CALCR: variants seen among roughly 807,000 people sequenced by gnomAD.
The protein encoded by CALCR is calcitonin receptor.
Under a neutral mutation model 59.5 loss-of-function variants are expected in CALCR, and 47 were observed. That is an observed-to-expected ratio of 0.79 (90% CI 0.63 to 1.01). CALCR has a LOEUF of 1.01. CALCR is among the 50% of genes least tolerant of loss of function. The pLI, the probability that CALCR is intolerant of heterozygous loss-of-function variation, is 0.00. For missense variants in CALCR, 566 were observed against 597.1 expected, an observed-to-expected ratio of 0.95 and a Z score of 0.54; for synonymous variants, 213 against 211.3, an observed-to-expected ratio of 1.01 and a Z score of -0.07.
chr7:93,508,219 T>C (rs183319175), intron 2 of CALCR, among the ~76,000 whole-genome samples: 51 of 152,296 alleles, frequency 3.3e-4, no homozygotes, highest in Non-Finnish European at 6.0e-4. Flanking sequence ...TTCTAATGTA[T>C]ATATTGGATA....
At chr7:93,474,490 A>G (rs180959666) in intron 5 of CALCR, among the ~76,000 whole-genome samples, 1 of 151,874 alleles carries the variant, frequency 6.6e-6, no homozygotes, top group East Asian at 1.9e-4. Flanking sequence ...AGAATTTTAG[A>G]TAATGTTGTT....
chr7:93,481,568 C>T (rs986616676), intron 3 of CALCR, among the ~76,000 whole-genome samples: 3 of 151,842 alleles, frequency 2.0e-5, no homozygotes, highest in African/African-American at 7.2e-5. Flanking sequence ...TTAGGGGGAA[C>T]TTCTCCCCCT....
intron 6 of CALCR, among the ~76,000 whole-genome samples, chr7:93,471,400 G>A (rs1747542854): frequency 6.6e-6 from 1 of 151,758 alleles, no homozygotes; most frequent in South Asian, 2.1e-4. Flanking sequence ...CTTAGCTTGT[G>A]CTTGTGATGA....
chr7:93,480,540 A>C (rs1477677226), intron 3 of CALCR, among the ~76,000 whole-genome samples: 1 of 151,686 alleles, frequency 6.6e-6, no homozygotes, highest in Non-Finnish European at 1.5e-5. Context: ...GGTGTTATGT[A>C]CTCTTCTATA....
chr7:93,480,695 A>G (rs1476776614), intron 3 of CALCR, among the ~76,000 whole-genome samples: 1 of 151,868 alleles, frequency 6.6e-6, no homozygotes, highest in Admixed American at 6.6e-5. Flanking sequence ...GCTGTCCAGC[A>G]CAGAATCCAA....
At chr7:93,570,110 G>A (rs147772469) in intron 2 of CALCR, among the ~76,000 whole-genome samples, 39 of 152,206 alleles carry the variant, frequency 2.6e-4, no homozygotes, top group African/African-American at 9.2e-4. Context: ...AGCTGTTGAG[G>A]TTTTCTACCT....
intron 13 of CALCR, among the ~76,000 whole-genome samples, chr7:93,429,900 G>T: frequency 7.0e-6 from 1 of 143,766 alleles, no homozygotes; most frequent in African/African-American, 2.6e-5. Flanking sequence ...AAAAGTAATT[G>T]CACACTTTAG....
intron 2 of CALCR, among the ~76,000 whole-genome samples, chr7:93,540,887 C>A (rs896075700): frequency 4.0e-5 from 6 of 151,544 alleles, no homozygotes; most frequent in Non-Finnish European, 7.4e-5. Flanking sequence ...CTTAATTCAG[C>A]ATCTCTCTTT....
At chr7:93,477,911 G>A (rs34991991) in intron 4 of CALCR, among the ~76,000 whole-genome samples, 1,469 of 129,038 alleles carry the variant, frequency 0.011, 11 homozygotes, top group Middle Eastern at 0.034. Flanking sequence ...AGGTTCCAAA[G>A]TTGAGTGCAT....
intron 2 of CALCR, among the ~76,000 whole-genome samples, chr7:93,573,400 A>T (rs908813697): frequency 6.6e-6 from 1 of 152,228 alleles, no homozygotes; most frequent in Non-Finnish European, 1.5e-5. Context: ...GAATAATTTC[A>T]ACAAATAGCC....
intron 2 of CALCR, among the ~76,000 whole-genome samples, chr7:93,489,648 A>G (rs929274628): frequency 2.0e-5 from 3 of 152,018 alleles, no homozygotes; most frequent in African/African-American, 7.2e-5. Context: ...CTCTACACAA[A>G]TAAACTAGAA....
chr7:93,453,394 A>G (rs1388462069), intron 8 of CALCR, among the ~76,000 whole-genome samples: 1 of 152,040 alleles, frequency 6.6e-6, no homozygotes, highest in Non-Finnish European at 1.5e-5. Context: ...TAAGTAGAAG[A>G]GCGAGGACTT....
rs557928377 is a variant in CALCR at position 93,471,533 on chromosome 7, A to C, written c.429+842T>G. ...CTGAAAGCATCTCAACAGCAAACAA[A>C]GACACTAATGTGCTTTTAGTTTTCA... On this transcript the variant is annotated intron_variant, in intron 6 of 13. Coordinates refer to ENST00000426151, the MANE Select transcript of CALCR (RefSeq NM_001742.4). 2.5e-4 allele frequency among the ~76,000 whole-genome samples: 38 copies of C among 151,994 alleles called. 2 individuals carry two copies. In the South Asian group the frequency reaches 7.9e-3, roughly 31 times the overall value.
At chr7:93,457,089 A>G (rs573829359) in intron 8 of CALCR, among the ~76,000 whole-genome samples, 1 of 152,286 alleles carries the variant, frequency 6.6e-6, no homozygotes, top group South Asian at 2.1e-4. Flanking sequence ...CTACCCCTAA[A>G]AAGCCTACGA....
chr7:93,510,967 G>A (rs1801533604), intron 2 of CALCR, among the ~76,000 whole-genome samples: 1 of 152,116 alleles, frequency 6.6e-6, no homozygotes, highest in African/African-American at 2.4e-5. Flanking sequence ...AGCAAAGCTA[G>A]TTAGGGAATG....
chr7:93,513,938 T>C (rs2116056622), intron 2 of CALCR, among the ~76,000 whole-genome samples: 1 of 152,156 alleles, frequency 6.6e-6, no homozygotes, highest in Middle Eastern at 3.4e-3. Flanking sequence ...TTTATTTTAT[T>C]GTGACCTGGG....
intron 7 of CALCR, among the ~76,000 whole-genome samples, chr7:93,461,727 G>A (rs1327460385): frequency 6.6e-6 from 1 of 152,066 alleles, no homozygotes; most frequent in Non-Finnish European, 1.5e-5. Context: ...AGTTCATAAA[G>A]TTGTACATAT....
intron 3 of CALCR, among the ~76,000 whole-genome samples, chr7:93,486,404 G>C (rs530676054): frequency 7.9e-5 from 12 of 151,636 alleles, no homozygotes; most frequent in African/African-American, 2.9e-4. Flanking sequence ...AAGAGTTATA[G>C]AATAATAGTG....
At chr7:93,557,711 T>C (rs1435003565) in intron 2 of CALCR, among the ~76,000 whole-genome samples, 2 of 151,994 alleles carry the variant, frequency 1.3e-5, no homozygotes, top group African/African-American at 4.8e-5. Flanking sequence ...GTGTTTCTCC[T>C]AGTGTATCAA....
Sources: allele counts gnomAD v4.1 joint callset (sites outside exome capture counted in the v4.1 genomes callset), GRCh38; gene constraint gnomAD v4.1.1; transcripts MANE v1.5; gene names NCBI Gene and HGNC (gene_info 2026-07-23, HGNC 2026-07-21).